PDE1A: variants seen among roughly 807,000 people sequenced by gnomAD.
The protein encoded by PDE1A is phosphodiesterase 1A.
In PDE1A, 35 loss-of-function variants were observed where a neutral mutation model predicts 61.7. The observed-to-expected ratio is 0.57, with a 90% confidence interval of 0.43 to 0.75. The LOEUF is 0.75. Among genes scored for constraint, PDE1A ranks in the 30% least tolerant of loss-of-function variants. PDE1A has a pLI of 0.00. For synonymous variants in PDE1A, 232 were observed against 213.2 expected (o/e 1.09, Z -0.77); for missense variants, 597 against 630.6 (o/e 0.95, Z 0.57).
intron 1 of PDE1A, among the ~76,000 whole-genome samples, chr2:182,372,599 G>T (rs747872368): frequency 6.6e-6 from 1 of 152,172 alleles, no homozygotes; most frequent in Non-Finnish European, 1.5e-5. Flanking sequence ...GCAGGATAGG[G>T]ACTGGAGAAA....
intron 6 of PDE1A, among the ~76,000 whole-genome samples, chr2:182,227,117 A>AT: frequency 6.6e-6 from 1 of 152,094 alleles, no homozygotes; most frequent in African/African-American, 2.4e-5. Flanking sequence ...CAAAGTTTCT[A>AT]TTTTTTCAAC....
At chr2:182,281,254 T>C (rs1427699498) in intron 1 of PDE1A, among the ~76,000 whole-genome samples, 1 of 151,926 alleles carries the variant, frequency 6.6e-6, no homozygotes, top group African/African-American at 2.4e-5. Context: ...TTCTGTCAAG[T>C]TCTATAACAC....
the PDE1A span, among the ~76,000 whole-genome samples, chr2:182,701,491 C>T: frequency 9.6e-4 from 146 of 151,688 alleles, 1 homozygote; most frequent in African/African-American, 3.4e-3. Context: ...AGTGATTCTC[C>T]TGCCTTAGCC....
intron 1 of PDE1A, among the ~76,000 whole-genome samples, chr2:182,385,285 T>C (rs142052616): frequency 1.3e-5 from 2 of 152,320 alleles, no homozygotes; most frequent in Non-Finnish European, 2.9e-5. Context: ...ATAGTGGTGA[T>C]ACACAAATCA....
chr2:182,212,230 CAT>C (rs990276576), intron 7 of PDE1A, among the ~76,000 whole-genome samples: 2 of 134,960 alleles, frequency 1.5e-5, no homozygotes, highest in East Asian at 2.6e-4. Flanking sequence ...TGTCTTGAAA[CAT>C]ATATATCTTT....
intron 13 of PDE1A, among the ~76,000 whole-genome samples, chr2:182,177,241 G>C (rs1335759294): frequency 6.6e-6 from 1 of 152,114 alleles, no homozygotes; most frequent in African/African-American, 2.4e-5. Flanking sequence ...CTATTGATTG[G>C]AATAGTTTCG....
At chr2:182,354,534 CAGTA>C (rs1699070306) in intron 1 of PDE1A, among the ~76,000 whole-genome samples, 1 of 152,074 alleles carries the variant, frequency 6.6e-6, no homozygotes, top group Non-Finnish European at 1.5e-5. Context: ...TGATTTTTCA[CAGTA>C]AGTGTCAGAA....
At chr2:182,599,231 A>C in the PDE1A span, among the ~76,000 whole-genome samples, 1 of 151,916 alleles carries the variant, frequency 6.6e-6, no homozygotes, top group African/African-American at 2.4e-5. Context: ...TGCTCCCATG[A>C]CTGGTGGTGG....
chr2:182,293,587 A>G (rs1419566606), intron 1 of PDE1A, among the ~76,000 whole-genome samples: 1 of 152,150 alleles, frequency 6.6e-6, no homozygotes. Flanking sequence ...GTGTCCCCTC[A>G]TTCGTGGGGA....
At chr2:182,697,960 C>A in the PDE1A span, among the ~76,000 whole-genome samples, 1 of 152,176 alleles carries the variant, frequency 6.6e-6, no homozygotes, top group East Asian at 1.9e-4. Flanking sequence ...AATCACTGCA[C>A]CTGGAGCCAA....
At chr2:182,564,419 G>C in the PDE1A span, among the ~76,000 whole-genome samples, 1 of 152,188 alleles carries the variant, frequency 6.6e-6, no homozygotes, top group African/African-American at 2.4e-5. Context: ...TCTGCCGAGA[G>C]ATCTGCTGTT....
At chr2:182,381,159 T>C (rs1025092451) in intron 1 of PDE1A, among the ~76,000 whole-genome samples, 1 of 152,158 alleles carries the variant, frequency 6.6e-6, no homozygotes, top group Non-Finnish European at 1.5e-5. Flanking sequence ...TTTCTCTTTC[T>C]TCATGAATGT....
intron 2 of PDE1A, among the ~76,000 whole-genome samples, chr2:182,518,099 A>C (rs1305754831): frequency 6.6e-6 from 1 of 152,200 alleles, no homozygotes; most frequent in Non-Finnish European, 1.5e-5. Context: ...AAGGATGCAA[A>C]GCTTTAAAGG....
intron 1 of PDE1A, among the ~76,000 whole-genome samples, chr2:182,288,890 A>G (rs989801590): frequency 2.0e-5 from 3 of 152,084 alleles, no homozygotes; most frequent in African/African-American, 4.8e-5. Flanking sequence ...ATTTTGAAAG[A>G]CTTTTAAAAA....
At chr2:182,486,830 C>G (rs939711023) in intron 2 of PDE1A, among the ~76,000 whole-genome samples, 2 of 152,016 alleles carry the variant, frequency 1.3e-5, no homozygotes, top group African/African-American at 4.8e-5. Flanking sequence ...ACAAAGACTT[C>G]TAGTAGAAAA....
the PDE1A span, among the ~76,000 whole-genome samples, chr2:182,532,969 A>AAAC: frequency 2.7e-5 from 4 of 148,542 alleles, no homozygotes; most frequent in Admixed American, 2.7e-4. Context: ...AAAAAAAAAA[A>AAAC]AAAACAATGA....
intron 2 of PDE1A, among the ~76,000 whole-genome samples, chr2:182,434,802 T>A (rs1044675512): frequency 2.0e-5 from 3 of 152,196 alleles, no homozygotes; most frequent in Middle Eastern, 3.4e-3. Flanking sequence ...TTATACTAGA[T>A]TCCCTTGATT....
intron 2 of PDE1A, among the ~76,000 whole-genome samples, chr2:182,516,702 G>GAGGAAAGAAGGAAGGA (rs1690181413): frequency 1.7e-5 from 2 of 116,764 alleles, no homozygotes; most frequent in Admixed American, 9.3e-5. Flanking sequence ...GGGAGGAAGG[G>GAGGAAAGAAGGAAGGA]AGGAAGGAAG....
intron 13 of PDE1A, among the ~76,000 whole-genome samples, chr2:182,175,716 T>C (rs1404619418): frequency 1.7e-5 from 1 of 58,648 alleles, no homozygotes; most frequent in Non-Finnish European, 3.3e-5. Flanking sequence ...ATTTTGTCTT[T>C]TGTTGCCATT....
Sources: gnomAD v4.1 joint callset for allele counts (sites outside exome capture counted in the v4.1 genomes callset) on GRCh38, gnomAD v4.1.1 for gene constraint, MANE v1.5 for transcripts, NCBI Gene and HGNC (gene_info 2026-07-23, HGNC 2026-07-21) for gene names.